The following MAP3K19 variants were observed in gnomAD, a reference collection of about 807,000 sequenced individuals.
The protein encoded by MAP3K19 is SPS1/STE20-related protein kinase YSK4.
In MAP3K19, 91 loss-of-function variants were observed where a neutral mutation model predicts 114.4. That is an observed-to-expected ratio of 0.80 (90% CI 0.67 to 0.95). The LOEUF (loss-of-function observed/expected upper bound fraction) is 0.95. Among genes scored for constraint, MAP3K19 ranks in the 40% least tolerant of loss-of-function variants. The pLI, the probability that MAP3K19 is intolerant of heterozygous loss-of-function variation, is 0.00. For missense variants in MAP3K19, 1,471 were observed against 1,573.2 expected (o/e 0.94, Z 1.10); for synonymous variants, 518 against 530.5 (o/e 0.98, Z 0.32).
Position 134,986,160 on chromosome 2 carries a change from T to C in MAP3K19, c.2712A>G (p.Thr904=), listed in dbSNP as rs1195104247. The part of the protein sequence containing the change: ...DSVSDHSKTL[T]NFSFQAKQES... ...CTTGTTTTGCTTGGAAAGAGAAATT[T>C]GTAAGTGTTTTAGAGTGATCTGAAA... Residue 904 remains threonine, a synonymous_variant, in exon 10 of 13, where the codon ACA becomes ACG. Coordinates refer to ENST00000392915, the MANE Select transcript of MAP3K19 (RefSeq NM_025052.5). 4 of 1,613,742 alleles carry C rather than the reference T, an allele frequency of 2.5e-6. No individual in the cohort carries two copies. In the East Asian group the frequency reaches 8.9e-5, roughly 36 times the overall value.
chr2:135,041,979 T>A (rs1688655323), intron 1 of MAP3K19, among the ~76,000 whole-genome samples: 1 of 152,234 alleles, frequency 6.6e-6, no homozygotes, highest in African/African-American at 2.4e-5. Flanking sequence ...GAACATGTAC[T>A]ATTTCACTCT....
rs17259783 is a variant in MAP3K19, at chr2:135,021,575, T to G, written c.138+140A>C. 5,598 of 579,744 alleles carry G rather than the reference T, an allele frequency of 9.7e-3. 88 individuals are homozygous for G. The highest frequency in any genetic ancestry group is 0.043 in the South Asian group (1,848 of 42,920). 35.9% of individuals were successfully genotyped at this position (579,744 alleles called of 1,614,324 possible). A position where few individuals can be genotyped will look rare whatever the true frequency, so the allele number is the denominator to read the frequency against. On this transcript the variant is annotated intron_variant, in intron 5 of 12. Coordinates refer to ENST00000392915, the MANE Select transcript of MAP3K19 (RefSeq NM_025052.5). ...CTCTGAGATTAAACTTTCAGAAGAG[T>G]GTCTTACCAAATATGCTTTTTTATG...
chr2:135,005,051 C>T (rs1385578000), intron 6 of MAP3K19, among the ~76,000 whole-genome samples: 2 of 152,182 alleles, frequency 1.3e-5, no homozygotes, highest in Non-Finnish European at 2.9e-5. Context: ...GCTGCCTAGA[C>T]CCACTGATTC....
At chr2:135,013,634 T>C (rs1432549400) in intron 5 of MAP3K19, among the ~76,000 whole-genome samples, 1 of 152,198 alleles carries the variant, frequency 6.6e-6, no homozygotes. Context: ...TGGTTTATTT[T>C]ATTTACTTTC....
chr2:134,977,356 A>ATTTTTTTTTTTTTTT (rs774277347), intron 12 of MAP3K19, among the ~76,000 whole-genome samples: 3 of 86,834 alleles, frequency 3.5e-5, no homozygotes, highest in African/African-American at 5.0e-5. Flanking sequence ...TAATTTTTAA[A>ATTTTTTTTTTTTTTT]TTTTTTTTTT....
intron 8 of MAP3K19, among the ~76,000 whole-genome samples, chr2:134,997,891 A>G (rs1419694943): frequency 6.6e-6 from 1 of 151,890 alleles, no homozygotes; most frequent in African/African-American, 2.4e-5. Flanking sequence ...AAATCCCATA[A>G]TAATTATTCT....
chr2:134,998,062 G>A (rs1686152897), intron 8 of MAP3K19, among the ~76,000 whole-genome samples: 1 of 152,096 alleles, frequency 6.6e-6, no homozygotes, highest in Non-Finnish European at 1.5e-5. Flanking sequence ...AGACAATATT[G>A]CCGCAGGGGG....
chr2:135,036,305 G>C (rs903547389), intron 2 of MAP3K19, among the ~76,000 whole-genome samples: 1 of 152,148 alleles, frequency 6.6e-6, no homozygotes, highest in Non-Finnish European at 1.5e-5. Flanking sequence ...ATAACAATTT[G>C]TAATTTATTG....
chr2:134,968,670 C>G lies in MAP3K19; in HGVS notation c.3921-3754G>C, dbSNP rs1341348000. On this transcript the variant is annotated intron_variant, in intron 12 of 12. Coordinates refer to ENST00000392915, the MANE Select transcript of MAP3K19 (RefSeq NM_025052.5). ...GCAGAGACGCTCCTCACCTCCCAGA[C>G]GGGGTCGCGGCCGGGCAGAGGCGCT... 2.7e-5 allele frequency among the ~76,000 whole-genome samples: 4 copies of G among 147,728 alleles called. No individual in the cohort carries two copies. The East Asian group carries it at 8.1e-4, about 30-fold the overall frequency.
intron 12 of MAP3K19, among the ~76,000 whole-genome samples, chr2:134,979,307 A>T (rs930488626): frequency 8.5e-5 from 13 of 152,334 alleles, no homozygotes; most frequent in African/African-American, 2.9e-4. Context: ...ATTTACATGC[A>T]CCATTTCACT....
Position 135,021,796 on chromosome 2 carries a change from ATGACAAAT to A in MAP3K19, c.49_56del (p.Ile17Ter), listed in dbSNP as rs1453372048. On this transcript the variant is annotated frameshift_variant, in exon 5 of 13. Coordinates refer to ENST00000392915, the MANE Select transcript of MAP3K19 (RefSeq NM_025052.5). LOFTEE classifies it high-confidence loss of function. ...AATCAGTTGGAGAAGAGTTTGTATC[ATGACAAAT>A]GTCAAGCAATGACTCAGCATGTCTT... 1 of 1,610,780 alleles carries A rather than the reference ATGACAAAT, an allele frequency of 6.2e-7. No individual in the cohort carries two copies. The highest frequency in any genetic ancestry group is 1.1e-5 in the South Asian group (1 of 90,192).
chr2:135,017,601 A>G (rs746406310), intron 5 of MAP3K19, among the ~76,000 whole-genome samples: 6 of 152,144 alleles, frequency 3.9e-5, no homozygotes, highest in Admixed American at 2.0e-4. Flanking sequence ...TGCTCCTTAT[A>G]TACATTTTCA....
At position 134,986,705 on chromosome 2, in the gene MAP3K19, T is replaced by A. The variant is rs966066586; in HGVS notation, c.2167A>T (p.Met723Leu). 1 of 1,614,064 alleles carries A rather than the reference T, an allele frequency of 6.2e-7. No individual in the cohort carries two copies. Among genetic ancestry groups the A allele is most frequent in the Non-Finnish European group, 8.5e-7 (1 of 1,180,032 alleles). Reference protein sequence around the residue: ...RTRLSQKKTHMKCPKTSFGIK... With the variant: ...RTRLSQKKTHLKCPKTSFGIK... ...CCAAATGAAGTCTTTGGGCATTTCA[T>A]ATGTGTTTTTTTCTGAGAAAGTCTT... Residue 723 changes from methionine (M) to leucine (L), a missense_variant, in exon 10 of 13, where the codon ATG (methionine) becomes TTG (leucine). By Grantham distance (15) the Met-to-Leu change is conservative. Coordinates refer to ENST00000392915, the MANE Select transcript of MAP3K19 (RefSeq NM_025052.5).
At chr2:135,043,069 C>T (rs891142187) in intron 1 of MAP3K19, among the ~76,000 whole-genome samples, 23 of 151,966 alleles carry the variant, frequency 1.5e-4, no homozygotes, top group Non-Finnish European at 3.1e-4. Context: ...GGCAACAGAG[C>T]GAGACTCCAT....
intron 4 of MAP3K19, chr2:135,023,227 T>C: frequency 2.9e-6 from 1 of 339,652 alleles, no homozygotes; most frequent in Non-Finnish European, 5.8e-6. Context: ...CTTTGTAATC[T>C]CTTTTCCAAT....
chr2:135,032,485 T>C (rs965476014), intron 2 of MAP3K19, among the ~76,000 whole-genome samples: 20 of 151,550 alleles, frequency 1.3e-4, no homozygotes, highest in Admixed American at 1.1e-3. Context: ...TGAAAACATA[T>C]ACTCACACCA....
In MAP3K19 at chr2:135,028,232, A is replaced by AT. The variant is rs745623476; in HGVS notation, c.-95+2079dup. Among the ~76,000 whole-genome samples the AT allele has an allele frequency of 1.1e-4, 17 of 152,298 alleles. No individual in the cohort carries two copies. The South Asian group carries it at 3.5e-3, about 32-fold the overall frequency. ...AACACACAGTAGGTGCTCAGTAAAC[A>AT]TTCACTGAATGAATAAATAATTTAT... On this transcript the variant is annotated intron_variant, in intron 3 of 12. Coordinates refer to ENST00000392915, the MANE Select transcript of MAP3K19 (RefSeq NM_025052.5).
chr2:135,046,488 C>T (rs1390381753), intron 1 of MAP3K19, among the ~76,000 whole-genome samples: 1 of 152,176 alleles, frequency 6.6e-6, no homozygotes, highest in Non-Finnish European at 1.5e-5. Context: ...GTTGGGCAGG[C>T]TGGTCTCGAA....
intron 6 of MAP3K19, among the ~76,000 whole-genome samples, chr2:135,000,552 GT>G (rs1356292102): frequency 6.6e-6 from 1 of 152,222 alleles, no homozygotes; most frequent in African/African-American, 2.4e-5. Flanking sequence ...AACATTGCCT[GT>G]TCTTTAAGGT....
Sources: allele counts gnomAD v4.1 joint callset (sites outside exome capture counted in the v4.1 genomes callset), GRCh38; gene constraint gnomAD v4.1.1; transcripts MANE v1.5; gene names NCBI Gene and HGNC (gene_info 2026-07-23, HGNC 2026-07-21).